Variants in EFHD1 observed in about 807,000 individuals in gnomAD.
The protein encoded by EFHD1 is EF-hand domain-containing protein D1.
In EFHD1, 10 loss-of-function variants were observed where a neutral mutation model predicts 17.2. The ratio of observed to expected loss-of-function variants is 0.58; its 90% confidence interval spans 0.36 to 0.99. The LOEUF (loss-of-function observed/expected upper bound fraction) is 0.99, where lower values mean the gene tolerates loss of function less well. Among genes scored for constraint, EFHD1 ranks in the 50% least tolerant of loss-of-function variants. EFHD1 has a pLI of 0.01. For missense variants in EFHD1, 310 were observed against 327.5 expected, an observed-to-expected ratio of 0.95 and a Z score of 0.41; for synonymous variants, 153 against 142.0, an observed-to-expected ratio of 1.08 and a Z score of -0.55.
chr2:232,634,105 C>T, intron 1 of EFHD1, 99 bp downstream of exon 1: 2 of 1,511,460 alleles, frequency 1.3e-6, no homozygotes, highest in Non-Finnish European at 1.8e-6. Flanking sequence ...GGGGAGGGGT[C>T]CCGGGGTGCA....
At position 232,681,573 on chromosome 2, in the gene EFHD1, A is replaced by T. The variant is rs768645362; in HGVS notation, c.586-12A>T. 1 of 1,613,460 alleles carries T rather than the reference A, an allele frequency of 6.2e-7. No homozygotes were observed. Among genetic ancestry groups the T allele is most frequent in the East Asian group, 2.2e-5 (1 of 44,846 alleles). On this transcript the variant is annotated splice_polypyrimidine_tract_variant and intron_variant, in intron 3 of 3. Transcript: ENST00000264059. ...CTTACTCGTTTGGTCTATGTCTGCT[A>T]TTTCTCTGCAGGTCCAAGCCTTGTC...
chr2:232,606,089 GC>G, exon 1 of EFHD1: 1 of 1,522,564 alleles, frequency 6.6e-7, no homozygotes, highest in Non-Finnish European at 8.9e-7. Context: ...GGCCTTGGCG[GC>G]TGCTTGCCTT....
intron 1 of EFHD1, chr2:232,638,204 A>G: frequency 2.7e-6 from 1 of 373,828 alleles, no homozygotes; most frequent in South Asian, 2.2e-5. Flanking sequence ...TAGACAGGAA[A>G]TTTTAATTAC....
chr2:232,614,108 A>G (rs1693875595), intron 1 of EFHD1, among the ~76,000 whole-genome samples: 1 of 151,782 alleles, frequency 6.6e-6, no homozygotes. Flanking sequence ...CACATGTATT[A>G]TACACACATG....
chr2:232,678,429 A>G (rs1695216690), intron 3 of EFHD1, among the ~76,000 whole-genome samples: 1 of 152,230 alleles, frequency 6.6e-6, no homozygotes, highest in South Asian at 2.1e-4. Flanking sequence ...TATTTGGTAA[A>G]GTTTAATACC....
chr2:232,606,912 A>AT (rs1217349882), intron 1 of EFHD1, among the ~76,000 whole-genome samples: 6 of 135,074 alleles, frequency 4.4e-5, no homozygotes, highest in Non-Finnish European at 8.8e-5. Context: ...TAAAATAAAA[A>AT]TTAAAAAAAA....
intron 1 of EFHD1, among the ~76,000 whole-genome samples, chr2:232,622,728 C>T (rs964449219): frequency 3.9e-5 from 6 of 152,066 alleles, no homozygotes; most frequent in African/African-American, 7.2e-5. Flanking sequence ...GCAGCTGCTC[C>T]GGTTTGCCTT....
intron 1 of EFHD1, among the ~76,000 whole-genome samples, chr2:232,660,356 G>T (rs975907244): frequency 6.6e-6 from 1 of 151,522 alleles, no homozygotes; most frequent in African/African-American, 2.4e-5. Context: ...CACCACGCCC[G>T]GCTCATTTTT....
chr2:232,642,373 CAAAAAAAAAA>C (rs764647177), intron 1 of EFHD1, among the ~76,000 whole-genome samples: 1 of 68,968 alleles, frequency 1.4e-5, no homozygotes, highest in Admixed American at 1.8e-4. Context: ...GACTCTGTCT[CAAAAAAAAAA>C]AAAAAAAAAA....
intron 3 of EFHD1, among the ~76,000 whole-genome samples, chr2:232,676,722 A>G (rs751020890): frequency 1.3e-5 from 2 of 152,196 alleles, no homozygotes; most frequent in African/African-American, 2.4e-5. Flanking sequence ...AGATTGACCT[A>G]TGGTAGAACA....
intron 1 of EFHD1, among the ~76,000 whole-genome samples, chr2:232,660,221 A>G (rs979785062): frequency 2.0e-5 from 3 of 150,480 alleles, no homozygotes; most frequent in Admixed American, 1.3e-4. Context: ...TTGAGGCGGA[A>G]TCTTGCTCTG....
At chr2:232,607,455 G>A (rs77562429) in intron 1 of EFHD1, among the ~76,000 whole-genome samples, 3 of 141,410 alleles carry the variant, frequency 2.1e-5, no homozygotes, top group Admixed American at 7.2e-5. Context: ...AAAGCCTGGC[G>A]TGGTAGCAGG....
At chr2:232,620,313 G>A (rs1437623828) in intron 1 of EFHD1, among the ~76,000 whole-genome samples, 6 of 150,510 alleles carry the variant, frequency 4.0e-5, no homozygotes, top group Non-Finnish European at 7.4e-5. Flanking sequence ...GCGTGAACCC[G>A]GGAGGTGGAG....
chr2:232,624,372 T>G (rs1694072770), intron 1 of EFHD1, among the ~76,000 whole-genome samples: 1 of 152,176 alleles, frequency 6.6e-6, no homozygotes, highest in South Asian at 2.1e-4. Flanking sequence ...AGGCCTCACC[T>G]GGGGGTTAGA....
At chr2:232,629,979 G>A (rs1694174968), upstream of EFHD1, among the ~76,000 whole-genome samples, 1 of 149,168 alleles carries the variant, frequency 6.7e-6, no homozygotes, top group African/African-American at 2.5e-5. Flanking sequence ...TTTGAGACAG[G>A]GTCTCTGTCG....
chr2:232,615,966 C>A (rs945080211), intron 1 of EFHD1, among the ~76,000 whole-genome samples: 7 of 152,072 alleles, frequency 4.6e-5, no homozygotes, highest in African/African-American at 1.7e-4. Context: ...GGATTATAGG[C>A]GTGAGCCACG....
intron 2 of EFHD1, among the ~76,000 whole-genome samples, chr2:232,665,641 T>C (rs2016747): frequency 0.77 from 116,759 of 152,202 alleles, 45,445 homozygotes; most frequent in East Asian, 0.94. Context: ...AGGCTGGTCT[T>C]GAACTCCTGG....
At chr2:232,657,585 G>A (rs529112784) in intron 1 of EFHD1, among the ~76,000 whole-genome samples, 3 of 151,988 alleles carry the variant, frequency 2.0e-5, no homozygotes, top group Admixed American at 6.6e-5. Flanking sequence ...CGAGGCAGGC[G>A]GATCACCTGA....
intron 2 of EFHD1, among the ~76,000 whole-genome samples, chr2:232,663,475 G>A (rs993511912): frequency 2.0e-5 from 3 of 151,988 alleles, no homozygotes; most frequent in African/African-American, 4.8e-5. Flanking sequence ...GAGTTCAGGC[G>A]ATTTGTGCCT....
Sources: allele counts gnomAD v4.1 joint callset (sites outside exome capture counted in the v4.1 genomes callset), GRCh38; gene constraint gnomAD v4.1.1; transcripts MANE v1.5; gene names NCBI Gene and HGNC (gene_info 2026-07-23, HGNC 2026-07-21).